GABRG1: variants seen among roughly 807,000 people sequenced by gnomAD.
GABRG1 encodes the protein gamma-aminobutyric acid type A receptor subunit gamma1.
GABRG1 carries 49 observed loss-of-function variants against 49.8 expected under a neutral mutation model. That is an observed-to-expected ratio of 0.98 (90% CI 0.78 to 1.25). GABRG1 has a LOEUF of 1.25. Among genes scored for constraint, GABRG1 ranks in the 50% most tolerant of loss-of-function variants. GABRG1 has a pLI of 0.00. For missense variants in GABRG1, 552 were observed against 552.3 expected, an observed-to-expected ratio of 1.00 and a Z score of 0.01; for synonymous variants, 232 against 185.1, an observed-to-expected ratio of 1.25 and a Z score of -2.06.
intron 1 of GABRG1, among the ~76,000 whole-genome samples, chr4:46,113,529 C>T (rs993001032): frequency 2.0e-5 from 3 of 151,012 alleles, no homozygotes; most frequent in East Asian, 2.0e-4. Context: ...GAAGCCTAAC[C>T]GTATCACCAT....
chr4:46,094,101 C>T (rs537814828), intron 2 of GABRG1, among the ~76,000 whole-genome samples: 22 of 151,918 alleles, frequency 1.4e-4, no homozygotes, highest in African/African-American at 4.6e-4. Context: ...AGAAATAAAT[C>T]GTAAAAGTCT....
At chr4:46,116,660 T>C (rs1054176492) in intron 1 of GABRG1, among the ~76,000 whole-genome samples, 5 of 150,804 alleles carry the variant, frequency 3.3e-5, no homozygotes, top group Admixed American at 1.3e-4. Flanking sequence ...CTTAGACTAT[T>C]CACTTCAAAA....
chr4:46,097,905 A>G (rs1225174529), intron 1 of GABRG1, among the ~76,000 whole-genome samples: 1 of 151,796 alleles, frequency 6.6e-6, no homozygotes, highest in Non-Finnish European at 1.5e-5. Context: ...GAACCCAGCC[A>G]TCTTTTTCCA....
intron 1 of GABRG1, among the ~76,000 whole-genome samples, chr4:46,106,461 T>G (rs544787077): frequency 6.6e-6 from 1 of 151,556 alleles, no homozygotes. Context: ...TGACAAAGAG[T>G]TAGAAAAGCA....
intron 1 of GABRG1, among the ~76,000 whole-genome samples, chr4:46,120,291 ACT>A (rs1482563554): frequency 6.6e-6 from 1 of 150,626 alleles, no homozygotes. Context: ...AGTTTTTTTT[ACT>A]CTTTCTTTTC....
At chr4:46,079,074 T>G (rs893847904) in intron 3 of GABRG1, among the ~76,000 whole-genome samples, 3 of 34,718 alleles carry the variant, frequency 8.6e-5, no homozygotes, top group Admixed American at 2.3e-4. Context: ...AAAGTTTTGT[T>G]TTTTTTTTTT....
At chr4:46,072,414 G>A (rs1719164791) in intron 3 of GABRG1, among the ~76,000 whole-genome samples, 1 of 152,014 alleles carries the variant, frequency 6.6e-6, no homozygotes, top group Admixed American at 6.6e-5. Flanking sequence ...TTAACAGTAG[G>A]AATAGACACC....
intron 1 of GABRG1, among the ~76,000 whole-genome samples, chr4:46,116,188 T>C (rs1720880380): frequency 6.6e-6 from 1 of 150,900 alleles, no homozygotes; most frequent in Non-Finnish European, 1.5e-5. Flanking sequence ...AGAAGGCTGG[T>C]AAATGCCCAG....
chr4:46,089,013 G>T (rs1384707117), intron 2 of GABRG1, among the ~76,000 whole-genome samples: 1 of 151,988 alleles, frequency 6.6e-6, no homozygotes, highest in Non-Finnish European at 1.5e-5. Flanking sequence ...AGGAAGAGCT[G>T]CACACCTACT....
At chr4:46,123,468 G>C (rs1287578643) in intron 1 of GABRG1, among the ~76,000 whole-genome samples, 1 of 152,006 alleles carries the variant, frequency 6.6e-6, no homozygotes, top group Non-Finnish European at 1.5e-5. Flanking sequence ...CATCCAGAAA[G>C]TTCTTCGGTG....
chr4:46,059,392 C>T (rs1044266681), intron 5 of GABRG1, among the ~76,000 whole-genome samples: 4 of 151,412 alleles, frequency 2.6e-5, no homozygotes. Context: ...AACATATTCT[C>T]CTTTTTTTTT....
At chr4:46,101,102 A>G (rs374038191) in intron 1 of GABRG1, among the ~76,000 whole-genome samples, 1 of 151,526 alleles carries the variant, frequency 6.6e-6, no homozygotes. Context: ...CATGTTTTGG[A>G]TAAATATTTA....
At chr4:46,116,616 T>A (rs1313430974) in intron 1 of GABRG1, among the ~76,000 whole-genome samples, 1 of 150,820 alleles carries the variant, frequency 6.6e-6, no homozygotes, top group Non-Finnish European at 1.5e-5. Flanking sequence ...GGATCTGAAA[T>A]GAGTGTCAAA....
rs1422817448 is a variant in GABRG1, at chr4:46,040,203, A to T, written c.*785T>A. The T allele has an allele frequency of 1.3e-5, 2 of 151,926 alleles. No individual in the cohort carries two copies. Among genetic ancestry groups the T allele is most frequent in the Non-Finnish European group, 2.9e-5 (2 of 67,888 alleles). 9.4% of individuals were successfully genotyped at this position (151,926 alleles called of 1,614,324 possible). Reference sequence around the variant, plus strand: ...GTGCATTTGCAGATTTTAATATTTCAGTGTTAACCTCATCATACATTATAA... The same window carrying T: ...GTGCATTTGCAGATTTTAATATTTCTGTGTTAACCTCATCATACATTATAA... On this transcript the variant is annotated 3_prime_UTR_variant, in exon 9 of 9. Coordinates refer to ENST00000295452, the MANE Select transcript of GABRG1 (RefSeq NM_173536.4).
At chr4:46,120,786 T>C (rs536207643) in intron 1 of GABRG1, among the ~76,000 whole-genome samples, 111 of 151,830 alleles carry the variant, frequency 7.3e-4, no homozygotes, top group Non-Finnish European at 1.5e-3. Context: ...TATTGACTCA[T>C]GGAAATTGTT....
intron 3 of GABRG1, among the ~76,000 whole-genome samples, chr4:46,070,018 G>T (rs1005547089): frequency 6.6e-6 from 1 of 151,896 alleles, no homozygotes; most frequent in African/African-American, 2.4e-5. Context: ...GGCAGGGCGG[G>T]ATGGAAAATA....
chr4:46,093,753 C>CT (rs777190493), intron 2 of GABRG1, among the ~76,000 whole-genome samples: 5 of 151,744 alleles, frequency 3.3e-5, no homozygotes, highest in African/African-American at 4.8e-5. Flanking sequence ...AAAAGTAAAA[C>CT]TTTTTTTAAA....
chr4:46,065,626 A>G, intron 3 of GABRG1, 42 bp from the exon 4 acceptor site: 1 of 898,044 alleles, frequency 1.1e-6, no homozygotes, highest in Non-Finnish European at 1.7e-6. Flanking sequence ...TAAAGCTACT[A>G]TTTTAGTTGT....
At chr4:46,086,550 C>T (rs368134196) in intron 2 of GABRG1, among the ~76,000 whole-genome samples, 1 of 151,302 alleles carries the variant, frequency 6.6e-6, no homozygotes, top group African/African-American at 2.4e-5. Context: ...AACTCTAATC[C>T]TGGAGAGTTT....
Sources: gnomAD v4.1 joint callset for allele counts (sites outside exome capture counted in the v4.1 genomes callset) on GRCh38, gnomAD v4.1.1 for gene constraint, MANE v1.5 for transcripts, NCBI Gene and HGNC (gene_info 2026-07-23, HGNC 2026-07-21) for gene names.